Variants in APOOL observed in about 807,000 individuals in gnomAD.
The protein encoded by APOOL is apolipoprotein O like.
A neutral mutation model predicts 23.1 loss-of-function variants in APOOL; 12 were observed. The ratio of observed to expected loss-of-function variants is 0.52; its 90% CI spans 0.33 to 0.84. APOOL has a LOEUF of 0.84. APOOL is among the 40% of genes least tolerant of loss of function. APOOL has a pLI of 0.02. For synonymous variants in APOOL, 77 were observed against 69.9 expected (o/e 1.10, Z -0.51); for missense variants, 212 against 199.6 (o/e 1.06, Z -0.37).
At chrX:85,057,929 T>C (rs952510589) in intron 5 of APOOL, among the ~76,000 whole-genome samples, 4 of 110,996 alleles carry the variant, frequency 3.6e-5, no homozygotes, top group African/African-American at 1.3e-4. Context: ...TAAGAGAAAA[T>C]GTTCCTTAGG....
intron 1 of APOOL, among the ~76,000 whole-genome samples, chrX:85,015,453 A>G (rs1011916435): frequency 5.5e-5 from 6 of 109,828 alleles, no homozygotes; most frequent in African/African-American, 3.3e-5. Context: ...TGTGTAGACT[A>G]TTTCTTAAAA....
intron 8 of APOOL, among the ~76,000 whole-genome samples, chrX:85,074,917 G>A (rs967263742): frequency 2.7e-5 from 3 of 109,660 alleles, no homozygotes; most frequent in Non-Finnish European, 5.7e-5. Flanking sequence ...ATTCCATACT[G>A]GCAATAAACA....
intron 8 of APOOL, among the ~76,000 whole-genome samples, chrX:85,081,709 G>A (rs1482052316): frequency 2.7e-5 from 3 of 111,525 alleles, no homozygotes; most frequent in African/African-American, 9.8e-5. Context: ...CATTCTCCCC[G>A]TCACTTTCAG....
chrX:85,077,618 T>A (rs928395331), intron 8 of APOOL, among the ~76,000 whole-genome samples: 1 of 111,744 alleles, frequency 8.9e-6, no homozygotes, highest in Non-Finnish European at 1.9e-5. Context: ...TTTGGGTATA[T>A]ACCCAGTAAT....
intron 8 of APOOL, among the ~76,000 whole-genome samples, chrX:85,084,064 C>T (rs1424437470): frequency 3.7e-5 from 4 of 109,481 alleles, no homozygotes; most frequent in African/African-American, 1.0e-4. Flanking sequence ...AGCCCTTAAT[C>T]CATTCAAGAG....
intron 1 of APOOL, among the ~76,000 whole-genome samples, chrX:85,012,474 G>A (rs1291240741): frequency 2.7e-5 from 3 of 111,523 alleles, no homozygotes; most frequent in African/African-American, 9.8e-5. Flanking sequence ...GGTATTGGCT[G>A]TGGGTTTGTC....
intron 8 of APOOL, among the ~76,000 whole-genome samples, chrX:85,079,157 C>A (rs1418954745): frequency 1.8e-5 from 2 of 111,758 alleles, no homozygotes; most frequent in Non-Finnish European, 3.8e-5. Flanking sequence ...GAGGGCACCC[C>A]TGTCTTGTGC....
chrX:85,073,895 TTC>T, intron 6 of APOOL, 101 bp from the exon 7 acceptor site: 1 of 526,774 alleles, frequency 1.9e-6, no homozygotes, highest in Non-Finnish European at 3.0e-6. Context: ...TCTTTATTGA[TTC>T]TGACTTGAGT....
At chrX:85,016,663 G>A (rs1180815919) in intron 1 of APOOL, among the ~76,000 whole-genome samples, 1 of 110,984 alleles carries the variant, frequency 9.0e-6, no homozygotes, top group Non-Finnish European at 1.9e-5. Context: ...GTGGAGTGCC[G>A]GGGGGTACAA....
intron 1 of APOOL, among the ~76,000 whole-genome samples, chrX:85,005,725 T>G (rs73232521): frequency 9.1e-6 from 1 of 110,460 alleles, no homozygotes; most frequent in Non-Finnish European, 1.9e-5. Context: ...GGTGGAGATA[T>G]AACACATATA....
At chrX:85,034,854 G>T (rs926764349) in intron 1 of APOOL, among the ~76,000 whole-genome samples, 1 of 111,711 alleles carries the variant, frequency 9.0e-6, no homozygotes, top group Non-Finnish European at 1.9e-5. Flanking sequence ...TCTATATTCA[G>T]TACAACACTG....
At chrX:85,069,181 T>C (rs1164686728) in intron 6 of APOOL, among the ~76,000 whole-genome samples, 1 of 110,721 alleles carries the variant, frequency 9.0e-6, no homozygotes, top group African/African-American at 3.3e-5. Context: ...TTCAAATATA[T>C]GATTTTTTTT....
chrX:85,074,532 A>G, intron 8 of APOOL, 141 bp downstream of exon 8: 1 of 676,772 alleles, frequency 1.5e-6, no homozygotes, highest in Non-Finnish European at 2.2e-6. Context: ...GTTTCTTTTT[A>G]GGTTATGAGG....
intron 8 of APOOL, among the ~76,000 whole-genome samples, chrX:85,083,830 G>A (rs1924195721): frequency 9.0e-6 from 1 of 111,184 alleles, no homozygotes; most frequent in Non-Finnish European, 1.9e-5. Flanking sequence ...ATCACATAAG[G>A]GCTATTTGAG....
chrX:85,021,942 C>T (rs1337569462), intron 1 of APOOL, among the ~76,000 whole-genome samples: 1 of 111,662 alleles, frequency 9.0e-6, no homozygotes, highest in Non-Finnish European at 1.9e-5. Flanking sequence ...TACTAAAATT[C>T]GTGAGACTAC....
At chrX:85,051,879 A>G (rs1178903297) in intron 3 of APOOL, among the ~76,000 whole-genome samples, 1 of 112,066 alleles carries the variant, frequency 8.9e-6, no homozygotes, top group Non-Finnish European at 1.9e-5. Context: ...AATAGGTCAG[A>G]TATAACTTAC....
intron 5 of APOOL, among the ~76,000 whole-genome samples, chrX:85,056,731 G>A (rs936949431): frequency 9.0e-5 from 10 of 110,908 alleles, no homozygotes; most frequent in African/African-American, 2.3e-4. Context: ...CAACAAGAGC[G>A]AAACTCCATC....
intron 1 of APOOL, among the ~76,000 whole-genome samples, chrX:85,043,668 C>T (rs1243127609): frequency 1.8e-5 from 2 of 111,297 alleles, no homozygotes; most frequent in Non-Finnish European, 3.8e-5. Context: ...ATAACTTAGA[C>T]TTGTAGATAC....
rs1031094929 is a variant in APOOL, at chrX:85,027,806, A to G, written c.16-18640A>G. Among the ~76,000 whole-genome samples, 3 of 112,181 alleles carry G rather than the reference A, an allele frequency of 2.7e-5. No homozygotes were observed. The Admixed American group carries it at 2.8e-4, about 11-fold the overall frequency. On this transcript the variant is annotated intron_variant, in intron 1 of 8. Transcript: ENST00000373173. Reference sequence around the variant, plus strand: ...ATATCAATTTGTTGTAAGTGATTTGATCAATATTCAGAGAATTTGCTAATT... The same window carrying G: ...ATATCAATTTGTTGTAAGTGATTTGGTCAATATTCAGAGAATTTGCTAATT...
Sources: allele counts gnomAD v4.1 joint callset (sites outside exome capture counted in the v4.1 genomes callset), GRCh38; gene constraint gnomAD v4.1.1; transcripts MANE v1.5; gene names NCBI Gene and HGNC (gene_info 2026-07-23, HGNC 2026-07-21).